Variants in SERPINI2 observed in about 807,000 individuals in gnomAD.
SERPINI2 encodes the protein serpin family I member 2, also known as serpin I2.
In SERPINI2, 48 loss-of-function variants were observed where a neutral mutation model predicts 47.3. The ratio of observed to expected loss-of-function variants is 1.02; its 90% CI spans 0.81 to 1.29. The LOEUF (loss-of-function observed/expected upper bound fraction) is 1.29, where lower values mean the gene tolerates loss of function less well. SERPINI2 is among the 50% of genes most tolerant of loss of function. SERPINI2 has a pLI of 0.00. For synonymous variants in SERPINI2, 135 were observed against 149.3 expected (o/e 0.90, Z 0.70); for missense variants, 448 against 456.9 (o/e 0.98, Z 0.18).
At chr3:167,449,385 C>T (rs1042683279) in exon 7 of SERPINI2, 6 of 1,610,448 alleles carry the variant, frequency 3.7e-6, no homozygotes, top group Non-Finnish European at 5.1e-6. Context: ...ACTTGGGAAA[C>T]ATACACTTCA....
At chr3:167,465,174 A>G in intron 5 of SERPINI2, 32 bp downstream of exon 5, 1 of 1,561,616 alleles carries the variant, frequency 6.4e-7, no homozygotes, top group Non-Finnish European at 8.7e-7. Context: ...GTGGAAACGT[A>G]AGAACTCGTA....
At chr3:167,443,099 T>G (rs573228505) in intron 8 of SERPINI2, among the ~76,000 whole-genome samples, 2 of 152,298 alleles carry the variant, frequency 1.3e-5, no homozygotes, top group African/African-American at 2.4e-5. Context: ...TTATTTTATT[T>G]TTTTGTTTTG....
chr3:167,470,520 G>A (rs1469063019), intron 2 of SERPINI2, among the ~76,000 whole-genome samples: 2 of 142,346 alleles, frequency 1.4e-5, no homozygotes, highest in South Asian at 4.5e-4. Flanking sequence ...GAAACTGAGA[G>A]CATGAGATAG....
chr3:167,471,554 A>C (rs567591923), intron 2 of SERPINI2, 34 bp downstream of exon 2: 1 of 1,598,602 alleles, frequency 6.3e-7, no homozygotes, highest in East Asian at 2.2e-5. Context: ...TCCATATCTT[A>C]TCCAGTATAA....
At chr3:167,470,884 G>C (rs1055718772) in intron 2 of SERPINI2, among the ~76,000 whole-genome samples, 1 of 152,000 alleles carries the variant, frequency 6.6e-6, no homozygotes, top group Non-Finnish European at 1.5e-5. Flanking sequence ...CAGTATCCCA[G>C]TAAGAGGGAT....
intron 5 of SERPINI2, among the ~76,000 whole-genome samples, chr3:167,460,547 T>A (rs1749954730): frequency 1.3e-5 from 2 of 152,154 alleles, no homozygotes; most frequent in African/African-American, 4.8e-5. Flanking sequence ...AGTAAAAAAG[T>A]GAATGCATTT....
Position 167,456,465 on chromosome 3 carries a change from C to G in SERPINI2, c.867-3432G>C, listed in dbSNP as rs534559864. ...GGCTGGCCAAGCCTAGAATTAATTT[C>G]TAGCCAGCAAAAAGATGATCATTTA... is the stretch of plus-strand genomic sequence containing the variant. On this transcript the variant is annotated intron_variant, in intron 5 of 8. Transcript: ENST00000264677. Among the ~76,000 whole-genome samples, 9 of 152,292 alleles carry G rather than the reference C, an allele frequency of 5.9e-5. No homozygotes were observed. The South Asian group carries it at 1.0e-3, about 18-fold the overall frequency.
At chr3:167,473,500 A>G (rs138225760) in intron 1 of SERPINI2, among the ~76,000 whole-genome samples, 300 of 151,806 alleles carry the variant, frequency 2.0e-3, no homozygotes, top group Non-Finnish European at 2.4e-3. Context: ...CTGGAAATAC[A>G]TTAGATATAG....
At chr3:167,464,603 G>T (rs1303984028) in intron 5 of SERPINI2, among the ~76,000 whole-genome samples, 1 of 152,140 alleles carries the variant, frequency 6.6e-6, no homozygotes, top group African/African-American at 2.4e-5. Context: ...ATAAGTTTGG[G>T]TAGAGTGTGA....
intron 6 of SERPINI2, among the ~76,000 whole-genome samples, chr3:167,450,157 T>C (rs1050305864): frequency 5.9e-5 from 9 of 152,242 alleles, no homozygotes; most frequent in Non-Finnish European, 1.3e-4. Flanking sequence ...TAAAATGTAC[T>C]TGCCTTCAAA....
intron 5 of SERPINI2, 57 bp downstream of exon 5, chr3:167,465,149 C>T (rs1341493032): frequency 1.4e-6 from 2 of 1,442,622 alleles, no homozygotes; most frequent in Non-Finnish European, 1.9e-6. Flanking sequence ...GCTGACTGCT[C>T]AAATTCCTAT....
At chr3:167,451,437 G>T (rs765671875) in intron 6 of SERPINI2, among the ~76,000 whole-genome samples, 11 of 152,186 alleles carry the variant, frequency 7.2e-5, no homozygotes, top group Non-Finnish European at 1.5e-4. Context: ...AATGTTTATT[G>T]TACAAATGAT....
chr3:167,471,790 T>A, exon 2 of SERPINI2: 1 of 1,613,180 alleles, frequency 6.2e-7, no homozygotes, highest in Non-Finnish European at 8.5e-7. Flanking sequence ...AGGCTTGACT[T>A]CCAAAAAACA....
At chr3:167,450,278 A>G (rs1749606320) in intron 6 of SERPINI2, among the ~76,000 whole-genome samples, 1 of 152,182 alleles carries the variant, frequency 6.6e-6, no homozygotes, top group Admixed American at 6.5e-5. Flanking sequence ...CGTGCTTTAC[A>G]ACGTTTTGTT....
chr3:167,474,527 G>A (rs965994738), upstream of SERPINI2, among the ~76,000 whole-genome samples: 1 of 151,634 alleles, frequency 6.6e-6, no homozygotes, highest in African/African-American at 2.4e-5. Flanking sequence ...ATAGTCAGAG[G>A]AGTTTCCTGT....
chr3:167,442,057 C>T, exon 9 of SERPINI2: 1 of 1,398,198 alleles, frequency 7.2e-7, no homozygotes, highest in Non-Finnish European at 9.8e-7. Flanking sequence ...GATATTTTGC[C>T]AATCAGCTAT....
At chr3:167,448,417 T>C (rs1310527900) in intron 7 of SERPINI2, among the ~76,000 whole-genome samples, 1 of 152,260 alleles carries the variant, frequency 6.6e-6, no homozygotes, top group African/African-American at 2.4e-5. Context: ...TGCACATTGA[T>C]ATCACTTAGG....
At chr3:167,467,269 T>C (rs745864119) in exon 3 of SERPINI2, 55 of 1,609,216 alleles carry the variant, frequency 3.4e-5, no homozygotes, top group Non-Finnish European at 4.4e-5. Flanking sequence ...ATGACTTCAG[T>C]ACAAAAAATT....
exon 9 of SERPINI2, chr3:167,442,092 G>A: frequency 6.4e-7 from 1 of 1,568,204 alleles, no homozygotes. Flanking sequence ...CTTTTATTCT[G>A]AGGCTGTGCT....
Sources: allele counts gnomAD v4.1 joint callset (sites outside exome capture counted in the v4.1 genomes callset), GRCh38; gene constraint gnomAD v4.1.1; transcripts MANE v1.5; gene names NCBI Gene and HGNC (gene_info 2026-07-23, HGNC 2026-07-21).